FHIT: variants seen among roughly 807,000 people sequenced by gnomAD.
The protein encoded by FHIT is bis(5'-adenosyl)-triphosphatase.
FHIT carries 19 observed loss-of-function variants against 17.9 expected under a neutral mutation model. The ratio of observed to expected loss-of-function variants is 1.06; its 90% CI spans 0.74 to 1.56. FHIT has a LOEUF of 1.56. Ranked by LOEUF, FHIT falls within the 40% of genes most tolerant of loss-of-function variation. The probability of loss-of-function intolerance (pLI) is 0.00; values close to 1 mark genes in which losing one functional copy is unlikely to be tolerated. For synonymous variants in FHIT, 81 were observed against 69.7 expected (o/e 1.16, Z -0.81); for missense variants, 248 against 189.2 (o/e 1.31, Z -1.82).
intron 5 of FHIT, among the ~76,000 whole-genome samples, chr3:60,073,332 C>T (rs141170307): frequency 6.6e-6 from 1 of 152,156 alleles, no homozygotes; most frequent in Non-Finnish European, 1.5e-5. Flanking sequence ...GATTGCCTTA[C>T]TCACTCACCT....
chr3:60,193,002 A>G (rs1468801893), intron 5 of FHIT, among the ~76,000 whole-genome samples: 1 of 152,238 alleles, frequency 6.6e-6, no homozygotes, highest in Non-Finnish European at 1.5e-5. Flanking sequence ...ACACTGGGGT[A>G]AGATGACCGA....
In FHIT at chr3:59,770,775, T is replaced by C. The variant is rs559395115; in HGVS notation, c.349-18454A>G. On this transcript the variant is annotated intron_variant, in intron 8 of 9. Coordinates refer to ENST00000492590, the MANE Select transcript of FHIT (RefSeq NM_002012.4). ...GCCAAGGCTCAGAAAAGCTATGTGA[T>C]GTGTCCAGGTCTGCACAGCTGTCAA... Among the ~76,000 whole-genome samples, 433 of 152,338 alleles carry C rather than the reference T, an allele frequency of 2.8e-3. 2 individuals carry two copies. Among genetic ancestry groups the C allele is most frequent in the African/African-American group, 1.0e-2 (415 of 41,584 alleles).
At chr3:60,723,374 A>G (rs1282054780) in intron 4 of FHIT, among the ~76,000 whole-genome samples, 1 of 152,154 alleles carries the variant, frequency 6.6e-6, no homozygotes, top group Non-Finnish European at 1.5e-5. Flanking sequence ...CACTAATATG[A>G]CATTTTTCCT....
intron 2 of FHIT, among the ~76,000 whole-genome samples, chr3:61,093,729 C>G (rs1202448369): frequency 6.6e-6 from 1 of 152,122 alleles, no homozygotes; most frequent in African/African-American, 2.4e-5. Context: ...CATCACCTAC[C>G]TCAAAAAGTT....
rs549046495 is a variant in FHIT at position 60,349,732 on chromosome 3, C to T, written c.103+187128G>A. Among the ~76,000 whole-genome samples, 356 of 152,256 alleles carry T rather than the reference C, an allele frequency of 2.3e-3. 4 individuals are homozygous for T. The highest frequency in any genetic ancestry group is 8.2e-3 in the African/African-American group (341 of 41,582). ...ATATTTCCTTTTAAATTTTACACAA[C>T]TTGGACAAAATTTTCTAAAGAAATC... On this transcript the variant is annotated intron_variant, in intron 5 of 9. Coordinates refer to ENST00000492590, the MANE Select transcript of FHIT (RefSeq NM_002012.4).
intron 5 of FHIT, among the ~76,000 whole-genome samples, chr3:60,118,512 C>T (rs1214722082): frequency 6.6e-6 from 1 of 151,930 alleles, no homozygotes; most frequent in African/African-American, 2.4e-5. Flanking sequence ...GGGTGACTGA[C>T]AGTAGGGAGG....
At chr3:60,054,373 G>T (rs1701999572) in intron 5 of FHIT, among the ~76,000 whole-genome samples, 1 of 152,174 alleles carries the variant, frequency 6.6e-6, no homozygotes, top group Non-Finnish European at 1.5e-5. Flanking sequence ...GTTGAGGTCA[G>T]ATTAGAAAAA....
intron 3 of FHIT, among the ~76,000 whole-genome samples, chr3:60,962,678 C>T (rs950900015): frequency 1.3e-5 from 2 of 152,084 alleles, no homozygotes; most frequent in South Asian, 2.1e-4. Flanking sequence ...TCTGCATCTA[C>T]TGAGATAATC....
chr3:59,764,936 A>G (rs1418274974), intron 8 of FHIT, among the ~76,000 whole-genome samples: 1 of 150,008 alleles, frequency 6.7e-6, no homozygotes, highest in Non-Finnish European at 1.5e-5. Context: ...GGCACAGTGA[A>G]AAATTAAAAT....
At chr3:60,768,605 T>G (rs1699930210) in intron 4 of FHIT, among the ~76,000 whole-genome samples, 1 of 152,208 alleles carries the variant, frequency 6.6e-6, no homozygotes, top group South Asian at 2.1e-4. Context: ...AGTTTTTTGA[T>G]TCAGTGAATA....
At chr3:60,301,929 T>G (rs1423622784) in intron 5 of FHIT, among the ~76,000 whole-genome samples, 1 of 152,096 alleles carries the variant, frequency 6.6e-6, no homozygotes, top group South Asian at 2.1e-4. Context: ...TCCTGTCAAT[T>G]AAAAACTGTA....
chr3:60,228,571 C>T (rs371744111), intron 5 of FHIT, among the ~76,000 whole-genome samples: 2 of 152,242 alleles, frequency 1.3e-5, no homozygotes, highest in South Asian at 2.1e-4. Flanking sequence ...CCAGCCCTAC[C>T]GCTTCTCAGC....
chr3:60,576,267 A>G (rs56101492), intron 4 of FHIT, among the ~76,000 whole-genome samples: 42,732 of 151,968 alleles, frequency 0.28, 6,439 homozygotes, highest in Non-Finnish European at 0.34. Flanking sequence ...AAGGCAAGGC[A>G]CCAAACATTT....
chr3:60,002,908 T>A (rs1330260624), intron 7 of FHIT, among the ~76,000 whole-genome samples: 1 of 152,184 alleles, frequency 6.6e-6, no homozygotes, highest in Non-Finnish European at 1.5e-5. Flanking sequence ...CAGTTGATAT[T>A]CTGGGTAACC....
chr3:60,483,333 G>A (rs2033696772), intron 5 of FHIT, among the ~76,000 whole-genome samples: 1 of 152,150 alleles, frequency 6.6e-6, no homozygotes, highest in Non-Finnish European at 1.5e-5. Flanking sequence ...ATTTTATGAA[G>A]CCAGCATCAC....
chr3:59,780,731 C>G (rs1173327163), intron 8 of FHIT, among the ~76,000 whole-genome samples: 1 of 152,166 alleles, frequency 6.6e-6, no homozygotes, highest in Admixed American at 6.5e-5. Context: ...GAAGGTGAAC[C>G]AGAAGCAGGG....
intron 3 of FHIT, among the ~76,000 whole-genome samples, chr3:61,006,818 A>G (rs1204622836): frequency 6.6e-6 from 1 of 152,160 alleles, no homozygotes; most frequent in African/African-American, 2.4e-5. Context: ...ATACAAATAT[A>G]TACATGGCTA....
chr3:60,296,465 G>A (rs1298129652), intron 5 of FHIT, among the ~76,000 whole-genome samples: 2 of 151,970 alleles, frequency 1.3e-5, no homozygotes, highest in Non-Finnish European at 1.5e-5. Context: ...CAGTTAAATG[G>A]CTGTCCATGT....
intron 5 of FHIT, among the ~76,000 whole-genome samples, chr3:60,406,351 A>G (rs1009486490): frequency 2.6e-5 from 4 of 152,182 alleles, no homozygotes; most frequent in African/African-American, 9.7e-5. Flanking sequence ...CTTACATGCA[A>G]ACTCAAAGCT....
Sources: allele counts gnomAD v4.1 joint callset (sites outside exome capture counted in the v4.1 genomes callset), GRCh38; gene constraint gnomAD v4.1.1; transcripts MANE v1.5; gene names NCBI Gene and HGNC (gene_info 2026-07-23, HGNC 2026-07-21).